RALGAPA2: variants seen among roughly 807,000 people sequenced by gnomAD.
RALGAPA2 encodes the protein ral GTPase-activating protein subunit alpha-2.
Under a neutral mutation model 230.4 loss-of-function variants are expected in RALGAPA2, and 139 were observed. The observed-to-expected ratio is 0.60, with a 90% CI of 0.53 to 0.69. The LOEUF (loss-of-function observed/expected upper bound fraction) is 0.69. Ranked by LOEUF, RALGAPA2 falls within the 30% of genes least tolerant of loss-of-function variation. The pLI, the probability that RALGAPA2 is intolerant of heterozygous loss-of-function variation, is 0.00. For synonymous variants in RALGAPA2, 847 were observed against 837.8 expected (o/e 1.01, Z -0.19); for missense variants, 2,163 against 2,276.0 (o/e 0.95, Z 1.01).
At chr20:20,442,655 T>C (rs941445613) in intron 37 of RALGAPA2, among the ~76,000 whole-genome samples, 3 of 152,266 alleles carry the variant, frequency 2.0e-5, no homozygotes, top group East Asian at 3.8e-4. Context: ...GGTATTACAA[T>C]GTACGGTTCC....
chr20:20,401,441 G>A (rs1300333787), intron 38 of RALGAPA2, among the ~76,000 whole-genome samples: 1 of 152,144 alleles, frequency 6.6e-6, no homozygotes, highest in Non-Finnish European at 1.5e-5. Context: ...ACCCACTGCT[G>A]GCACACTGCT....
intron 1 of RALGAPA2, among the ~76,000 whole-genome samples, chr20:20,686,895 G>A (rs1187959465): frequency 1.3e-5 from 2 of 152,156 alleles, no homozygotes; most frequent in African/African-American, 4.8e-5. Context: ...ATCTCACTCA[G>A]GAGCCCCAGT....
intron 1 of RALGAPA2, among the ~76,000 whole-genome samples, chr20:20,706,555 A>T (rs1252929955): frequency 6.6e-6 from 1 of 152,196 alleles, no homozygotes; most frequent in Admixed American, 6.5e-5. Context: ...GAACACTAAA[A>T]CACCGGAGGA....
At chr20:20,702,042 T>TAAAA (rs1265561467) in intron 1 of RALGAPA2, among the ~76,000 whole-genome samples, 2 of 86,530 alleles carry the variant, frequency 2.3e-5, no homozygotes, top group African/African-American at 4.3e-5. Flanking sequence ...TCCATCTCAA[T>TAAAA]AAAAAAAAAA....
At chr20:20,420,733 T>C (rs1267081503) in intron 37 of RALGAPA2, among the ~76,000 whole-genome samples, 1 of 152,020 alleles carries the variant, frequency 6.6e-6, no homozygotes, top group Non-Finnish European at 1.5e-5. Flanking sequence ...AAAAATGAGA[T>C]GAGTTAACAG....
intron 1 of RALGAPA2, among the ~76,000 whole-genome samples, chr20:20,706,629 G>T (rs73298839): frequency 6.6e-6 from 1 of 152,122 alleles, no homozygotes. Flanking sequence ...CTAGAAAAAT[G>T]CAGAAAAATG....
At chr20:20,459,778 G>A (rs887722120) in intron 37 of RALGAPA2, among the ~76,000 whole-genome samples, 3 of 152,180 alleles carry the variant, frequency 2.0e-5, no homozygotes, top group East Asian at 1.9e-4. Context: ...TGACACACAC[G>A]TGAAGAGATA....
rs1046921773 is a variant in RALGAPA2 at position 20,652,177 on chromosome 20, T to C, written c.328+1353A>G. On this transcript the variant is annotated intron_variant, in intron 4 of 39. Transcript: ENST00000202677. ...ATAACAGTCAATTCAATTTTAATAA[T>C]TGAATAATCCTAAATGAAATTTAGG... Among the ~76,000 whole-genome samples, 8 of 152,324 alleles carry C rather than the reference T, an allele frequency of 5.3e-5. No individual in the cohort carries two copies. In the East Asian group the frequency reaches 1.2e-3, roughly 22 times the overall value.
chr20:20,410,434 C>CAAACAAA (rs936081236), intron 38 of RALGAPA2, among the ~76,000 whole-genome samples: 2 of 151,960 alleles, frequency 1.3e-5, no homozygotes, highest in African/African-American at 4.8e-5. Context: ...GTTAAACAAA[C>CAAACAAA]AAACAAAAAA....
chr20:20,573,313 G>A (rs1034867123), intron 20 of RALGAPA2, among the ~76,000 whole-genome samples: 1 of 152,134 alleles, frequency 6.6e-6, no homozygotes, highest in South Asian at 2.1e-4. Flanking sequence ...ACCCTGTGAT[G>A]GGTTTTATAG....
intron 37 of RALGAPA2, among the ~76,000 whole-genome samples, chr20:20,439,562 C>T (rs1046009757): frequency 6.6e-6 from 1 of 152,140 alleles, no homozygotes; most frequent in Non-Finnish European, 1.5e-5. Context: ...AAATACCCAA[C>T]AGGAAACATT....
rs773829046 is a variant in RALGAPA2 at position 20,629,522 on chromosome 20, G to C, written c.1074C>G (p.Asp358Glu). 6.2e-6 allele frequency: 10 copies of C among 1,613,818 alleles called. No homozygotes were observed. Among genetic ancestry groups the C allele is most frequent in the African/African-American group, 1.3e-5 (1 of 74,882 alleles). The change falls in exon 10 of 40, where the codon GAC becomes GAG. Residue 358 changes from aspartate to glutamate, a missense_variant. Physicochemically the swap from Asp to Glu is conservative, Grantham distance 45 (BLOSUM62 2). Transcript: ENST00000202677. ...AGGTGCTGCTGTTAGAATGGCTTTT[G>C]TCCTGCTCCGTGGGCCCACCACCAT... Reference protein sequence around the residue: ...ELDGGGPTEQDKSHSNSSTLS... With the variant: ...ELDGGGPTEQEKSHSNSSTLS...
At chr20:20,551,840 T>C (rs1362828533) in intron 23 of RALGAPA2, among the ~76,000 whole-genome samples, 1 of 152,246 alleles carries the variant, frequency 6.6e-6, no homozygotes, top group African/African-American at 2.4e-5. Context: ...TTGTTTATTA[T>C]GGCTCCAAAC....
rs1308939265 is a variant in RALGAPA2 at position 20,601,768 on chromosome 20, G to C, written c.2117C>G (p.Thr706Ser). The C allele has an allele frequency of 4.3e-6, 7 of 1,613,696 alleles. No individual in the cohort carries two copies. Among genetic ancestry groups the C allele is most frequent in the Non-Finnish European group, 5.1e-6 (6 of 1,179,782 alleles). ...SLSWRSHPDVTEPMRFRSATT... is the reference protein window; with the variant it reads ...SLSWRSHPDVSEPMRFRSATT... ...GGCACTCCTAAATCGCATCGGTTCG[G>C]TCACATCTGGGTGGCTCCGCCAGCT... The change falls in exon 16 of 40, where the codon ACC becomes AGC. Residue 706 changes from threonine to serine, a missense_variant. Physicochemically the swap from Thr to Ser is moderately conservative, Grantham distance 58. Transcript: ENST00000202677.
intron 1 of RALGAPA2, among the ~76,000 whole-genome samples, chr20:20,694,373 T>G (rs1417326741): frequency 6.6e-6 from 1 of 152,186 alleles, no homozygotes; most frequent in African/African-American, 2.4e-5. Flanking sequence ...TGGTGGCATT[T>G]CTGTGAAATT....
intron 35 of RALGAPA2, among the ~76,000 whole-genome samples, chr20:20,495,623 C>A (rs2062183791): frequency 6.6e-6 from 1 of 152,196 alleles, no homozygotes; most frequent in African/African-American, 2.4e-5. Flanking sequence ...CAATTAACAA[C>A]ACGTGTCTTT....
At position 20,629,481 on chromosome 20, in the gene RALGAPA2, A is replaced by T. The variant is rs765715777; in HGVS notation, c.1115T>A (p.Leu372His). 1 of 1,613,954 alleles carries T rather than the reference A, an allele frequency of 6.2e-7. No homozygotes were observed. ...SNSSTLSDRR[L>H]SNSSLCSIEE... ...AATGCTACAGAGGCTGGAGTTGCTG[A>T]GTCTTCGGTCCGACAAGGTGCTGCT... The change falls in exon 10 of 40, where the codon CTC becomes CAC. Residue 372 changes from leucine (L) to histidine (H), a missense_variant. Leu to His is a moderately conservative substitution (Grantham distance 99, BLOSUM62 -3). Coordinates refer to ENST00000202677, the MANE Select transcript of RALGAPA2 (RefSeq NM_020343.4).
chr20:20,572,252 A>G (rs771890963), intron 21 of RALGAPA2, among the ~76,000 whole-genome samples: 9 of 152,154 alleles, frequency 5.9e-5, no homozygotes, highest in Admixed American at 2.0e-4. Context: ...ACAAACATGA[A>G]CCATGTTTTT....
At position 20,635,550 on chromosome 20, in the gene RALGAPA2, A is replaced by C; in HGVS notation, c.873T>G (p.Ser291Arg). Reference sequence around the variant, plus strand: ...GAGCTGCCATATATGGAATCTTTGTACTGTAAATGTTCTCATTGTCTCGAG... The same window carrying C: ...GAGCTGCCATATATGGAATCTTTGTCCTGTAAATGTTCTCATTGTCTCGAG... Reference protein sequence around the residue: ...TTTRDNENIYSTKIPYMAARV... With the variant: ...TTTRDNENIYRTKIPYMAARV... The change falls in exon 9 of 40, where the codon AGT becomes AGG. Residue 291 changes from serine (S) to arginine (R), a missense_variant. Ser to Arg is a moderately radical substitution (Grantham distance 110, BLOSUM62 -1). Coordinates refer to ENST00000202677, the MANE Select transcript of RALGAPA2 (RefSeq NM_020343.4). 6.3e-7 allele frequency: 1 copy of C among 1,592,350 alleles called. No homozygotes were observed. Among genetic ancestry groups the C allele is most frequent in the South Asian group, 1.2e-5 (1 of 86,838 alleles).
Sources: gnomAD v4.1 joint callset for allele counts (sites outside exome capture counted in the v4.1 genomes callset) on GRCh38, gnomAD v4.1.1 for gene constraint, MANE v1.5 for transcripts, NCBI Gene and HGNC (gene_info 2026-07-23, HGNC 2026-07-21) for gene names.